TAF3: variants seen among roughly 807,000 people sequenced by gnomAD.
TAF3 encodes TATA-box binding protein associated factor 3.
A neutral mutation model predicts 80.6 loss-of-function variants in TAF3; 7 were observed. That is an observed-to-expected ratio of 0.09 (90% CI 0.05 to 0.16). The LOEUF (loss-of-function observed/expected upper bound fraction) is 0.16. Ranked by LOEUF, TAF3 falls within the 10% of genes least tolerant of loss-of-function variation. TAF3 has a pLI of 1.00. For missense variants in TAF3, 921 were observed against 1,140.2 expected (o/e 0.81, Z 2.77); for synonymous variants, 444 against 446.1 (o/e 1.00, Z 0.06).
At chr10:7,970,658 G>A (rs569662954) in intron 3 of TAF3, among the ~76,000 whole-genome samples, 12 of 152,128 alleles carry the variant, frequency 7.9e-5, no homozygotes, top group African/African-American at 2.4e-4. Flanking sequence ...CTGTTTAACC[G>A]CCATATTTTA....
At chr10:7,840,345 G>A (rs1249153827) in intron 2 of TAF3, among the ~76,000 whole-genome samples, 2 of 151,744 alleles carry the variant, frequency 1.3e-5, no homozygotes, top group Non-Finnish European at 2.9e-5. Flanking sequence ...GTAGAGATGG[G>A]GTTTCACCGT....
chr10:7,872,455 C>T lies in TAF3; in HGVS notation c.409+47895C>T, dbSNP rs114472434. On this transcript the variant is annotated intron_variant, in intron 2 of 6. Transcript: ENST00000344293. ...ATTAAAATATAGGAAGTTATATTGCCGTTTATCAGCACTAAGCAATATTGT... is the reference window on the plus strand; with the variant it reads ...ATTAAAATATAGGAAGTTATATTGCTGTTTATCAGCACTAAGCAATATTGT... 4.8e-3 allele frequency among the ~76,000 whole-genome samples: 737 copies of T among 151,982 alleles called. 6 individuals carry two copies. The highest frequency in any genetic ancestry group is 0.017 in the African/African-American group (688 of 41,446).
intron 2 of TAF3, among the ~76,000 whole-genome samples, chr10:7,892,305 C>T (rs894027587): frequency 7.9e-5 from 12 of 152,188 alleles, no homozygotes; most frequent in South Asian, 2.1e-4. Context: ...GGCTAGAAAG[C>T]ATGCTCAGTG....
intron 2 of TAF3, among the ~76,000 whole-genome samples, chr10:7,905,011 G>A (rs185298179): frequency 8.9e-4 from 136 of 152,172 alleles, no homozygotes; most frequent in African/African-American, 3.0e-3. Flanking sequence ...AAAGTGAAAC[G>A]TTTCTTGTAT....
intron 2 of TAF3, among the ~76,000 whole-genome samples, chr10:7,868,055 A>T (rs753172515): frequency 6.6e-6 from 1 of 152,050 alleles, no homozygotes. Flanking sequence ...TGTCATCTTC[A>T]TGTTGAGTAG....
chr10:7,975,264 C>T lies in TAF3; in HGVS notation c.2233-1977C>T, dbSNP rs896582289. On this transcript the variant is annotated intron_variant, in intron 3 of 6. Transcript: ENST00000344293. ...TCTCCTTCAATACTGGTGGCCTCAC[C>T]GGTATTTCCTGTGGAGTTAGATGTG... 4.6e-5 allele frequency among the ~76,000 whole-genome samples: 7 copies of T among 152,062 alleles called. No homozygotes were observed. In the South Asian group the frequency reaches 6.2e-4, roughly 14 times the overall value.
chr10:7,967,077 C>T (rs1008290061), intron 3 of TAF3, among the ~76,000 whole-genome samples: 3 of 152,180 alleles, frequency 2.0e-5, no homozygotes, highest in Non-Finnish European at 1.5e-5. Context: ...GTATTATCAT[C>T]GATATTTATG....
chr10:7,980,176 G>C (rs1450298194), intron 4 of TAF3, among the ~76,000 whole-genome samples: 2 of 152,124 alleles, frequency 1.3e-5, no homozygotes, highest in South Asian at 2.1e-4. Flanking sequence ...GGGGGAGTTT[G>C]AATAGTCCAG....
In TAF3 at chr10:7,861,586, AT is replaced by A. The variant is rs747009785; in HGVS notation, c.409+37036del. 3.9e-4 allele frequency among the ~76,000 whole-genome samples: 58 copies of A among 150,252 alleles called. 3 individuals are homozygous for A. Among genetic ancestry groups the A allele is most frequent in the African/African-American group, 1.1e-3 (44 of 40,934 alleles). Reference sequence around the variant, plus strand: ...AAAATGATTATATAATTCTGTACTGATTTTTTTTTTCATTTTAGCACTTTAC... The same window carrying A: ...AAAATGATTATATAATTCTGTACTGATTTTTTTTTCATTTTAGCACTTTAC... On this transcript the variant is annotated intron_variant, in intron 2 of 6. Coordinates refer to ENST00000344293, the MANE Select transcript of TAF3 (RefSeq NM_031923.4).
intron 2 of TAF3, among the ~76,000 whole-genome samples, chr10:7,924,165 A>G (rs980201387): frequency 6.6e-6 from 1 of 152,230 alleles, no homozygotes; most frequent in Non-Finnish European, 1.5e-5. Flanking sequence ...GTGACTGACT[A>G]TTCTAAATGT....
chr10:7,878,093 T>A (rs1463022103), intron 2 of TAF3, among the ~76,000 whole-genome samples: 3 of 152,218 alleles, frequency 2.0e-5, no homozygotes, highest in South Asian at 2.1e-4. Flanking sequence ...GCATCTGACC[T>A]TCCTGTGTTA....
Position 7,873,620 on chromosome 10 carries a change from C to G in TAF3, c.409+49060C>G, listed in dbSNP as rs1289454058. On this transcript the variant is annotated intron_variant, in intron 2 of 6. Transcript: ENST00000344293. ...CCAAGGGAAGACATCCGAGTTCTCCCCCCCCCCCCGTCAAAAGGGGGTGTC... is the reference window on the plus strand; with the variant it reads ...CCAAGGGAAGACATCCGAGTTCTCCGCCCCCCCCCGTCAAAAGGGGGTGTC... Among the ~76,000 whole-genome samples, 3 of 127,286 alleles carry G rather than the reference C, an allele frequency of 2.4e-5. 1 individual carries two copies. The highest frequency in any genetic ancestry group is 7.6e-5 in the Admixed American group (1 of 13,180). The allele number at this position is 127,286 out of a possible 152,430, so 83.5% of individuals were successfully genotyped here.
chr10:7,987,364 A>G (rs1831788797), intron 4 of TAF3, among the ~76,000 whole-genome samples: 1 of 152,156 alleles, frequency 6.6e-6, no homozygotes, highest in Non-Finnish European at 1.5e-5. Flanking sequence ...CATACTGTTC[A>G]GCAGCTTATC....
chr10:7,917,956 C>T (rs1044879875), intron 2 of TAF3, among the ~76,000 whole-genome samples: 2 of 152,186 alleles, frequency 1.3e-5, no homozygotes, highest in South Asian at 2.1e-4. Flanking sequence ...GCAACAGGTA[C>T]AGGCACTTTC....
chr10:7,984,051 C>G (rs1017797276), intron 4 of TAF3, among the ~76,000 whole-genome samples: 1 of 151,902 alleles, frequency 6.6e-6, no homozygotes, highest in East Asian at 1.9e-4. Flanking sequence ...ACAACTGCAA[C>G]AAAGGTTGTG....
chr10:7,905,741 G>GGCGTGGTGGCA (rs1837602866), intron 2 of TAF3, among the ~76,000 whole-genome samples: 1 of 152,020 alleles, frequency 6.6e-6, no homozygotes, highest in Non-Finnish European at 1.5e-5. Flanking sequence ...AAATTAGTCG[G>GGCGTGGTGGCA]GCGTGGTGGC....
intron 2 of TAF3, among the ~76,000 whole-genome samples, chr10:7,863,811 T>C (rs1291211151): frequency 6.7e-6 from 1 of 149,868 alleles, no homozygotes; most frequent in Non-Finnish European, 1.5e-5. Flanking sequence ...TTTTTCTCAG[T>C]GATGTTTTAT....
chr10:7,918,205 G>T (rs1191287911), intron 2 of TAF3, among the ~76,000 whole-genome samples: 1 of 152,136 alleles, frequency 6.6e-6, no homozygotes, highest in Non-Finnish European at 1.5e-5. Flanking sequence ...GACTGGGAGT[G>T]GGGAAAGGAG....
rs1257685148 is a variant in TAF3, at chr10:7,818,561, G to C, written c.-149G>C. ...CTCTCAGGCTGGCGCGCTCCGTGCT[G>C]CTGGGGCTTTGAGGTGGTCGCCGGG... On this transcript the variant is annotated 5_prime_UTR_variant, in exon 1 of 7. Transcript: ENST00000344293. The C allele has an allele frequency of 3.7e-6, 3 of 805,914 alleles. No homozygotes were observed. Among genetic ancestry groups the C allele is most frequent in the Non-Finnish European group, 5.4e-6 (3 of 552,964 alleles). The allele number at this position is 805,914 out of a possible 1,614,324, so 49.9% of individuals were successfully genotyped here. A position where few individuals can be genotyped will look rare whatever the true frequency, so the allele number is the denominator to read the frequency against.
Sources: allele counts gnomAD v4.1 joint callset (sites outside exome capture counted in the v4.1 genomes callset), GRCh38; gene constraint gnomAD v4.1.1; transcripts MANE v1.5; gene names NCBI Gene and HGNC (gene_info 2026-07-23, HGNC 2026-07-21).